The following KCNJ3 variants were observed in gnomAD, a reference collection of about 807,000 sequenced individuals.
KCNJ3 encodes the protein G protein-activated inward rectifier potassium channel 1.
A neutral mutation model predicts 39.2 loss-of-function variants in KCNJ3; 4 were observed. The observed-to-expected ratio is 0.10, with a 90% confidence interval of 0.05 to 0.23. The LOEUF (loss-of-function observed/expected upper bound fraction) is 0.23, where lower values mean the gene tolerates loss of function less well. Among genes scored for constraint, KCNJ3 ranks in the 10% least tolerant of loss-of-function variants. The pLI, the probability that KCNJ3 is intolerant of heterozygous loss-of-function variation, is 1.00. For missense variants in KCNJ3, 276 were observed against 634.9 expected, an observed-to-expected ratio of 0.43 and a Z score of 6.08; for synonymous variants, 230 against 237.4, an observed-to-expected ratio of 0.97 and a Z score of 0.29.
At chr2:154,805,361 G>A (rs1023242880) in intron 2 of KCNJ3, among the ~76,000 whole-genome samples, 12 of 152,084 alleles carry the variant, frequency 7.9e-5, no homozygotes, top group African/African-American at 2.9e-4. Context: ...GTAGAAGAAC[G>A]CCGGGCTGAA....
intron 2 of KCNJ3, among the ~76,000 whole-genome samples, chr2:154,783,223 A>C (rs1388733228): frequency 1.3e-5 from 2 of 152,226 alleles, no homozygotes; most frequent in Non-Finnish European, 2.9e-5. Flanking sequence ...AAATATACAG[A>C]GGAGACACTG....
At chr2:154,798,481 CA>C (rs1488614453) in intron 2 of KCNJ3, among the ~76,000 whole-genome samples, 1 of 152,012 alleles carries the variant, frequency 6.6e-6, no homozygotes, top group Admixed American at 6.6e-5. Context: ...TTTCTTAAAA[CA>C]AAGTAGAATA....
intron 2 of KCNJ3, among the ~76,000 whole-genome samples, chr2:154,815,191 C>CT (rs199582010): frequency 3.3e-5 from 5 of 151,602 alleles, no homozygotes; most frequent in East Asian, 1.9e-4. Context: ...TTTTCTGTAT[C>CT]TTTTTTTTTC....
rs546038652 is a variant in KCNJ3, at chr2:154,727,591, CA to C, written c.919+17791del. 2.8e-3 allele frequency among the ~76,000 whole-genome samples: 256 copies of C among 91,350 alleles called. 4 individuals are homozygous for C. The highest frequency in any genetic ancestry group is 0.023 in the East Asian group (71 of 3,104). 59.9% of individuals were successfully genotyped at this position (91,350 alleles called of 152,430 possible). ...CTGGGAAGCAAGAGCGAAACTCCGT[CA>C]AAAAAAAAAAAAAAAAAAGAGAGAA... On this transcript the variant is annotated intron_variant, in intron 2 of 2. Coordinates refer to ENST00000295101, the MANE Select transcript of KCNJ3 (RefSeq NM_002239.4).
intron 2 of KCNJ3, among the ~76,000 whole-genome samples, chr2:154,744,503 T>A (rs1685704719): frequency 6.6e-6 from 1 of 151,842 alleles, no homozygotes; most frequent in Non-Finnish European, 1.5e-5. Flanking sequence ...TTCAATTTCT[T>A]TATGGCTATA....
At chr2:154,768,482 AG>A (rs1425141995) in intron 2 of KCNJ3, among the ~76,000 whole-genome samples, 1 of 152,190 alleles carries the variant, frequency 6.6e-6, no homozygotes, top group African/African-American at 2.4e-5. Context: ...GGTTTGTCAA[AG>A]ATCAGATGGT....
At chr2:154,843,449 T>C (rs866799081) in intron 2 of KCNJ3, among the ~76,000 whole-genome samples, 2 of 152,152 alleles carry the variant, frequency 1.3e-5, no homozygotes, top group Non-Finnish European at 2.9e-5. Flanking sequence ...ATCTTTGTGG[T>C]GTTCTCTGTA....
At position 154,785,512 on chromosome 2, in the gene KCNJ3, C is replaced by T. The variant is rs186767407; in HGVS notation, c.920-69215C>T. The stretch of plus-strand genomic sequence containing the variant: ...CTAGGTCATAAGGGATCCACTCTCA[C>T]GGGTGAATTAATGCTGTTATGGAGA... On this transcript the variant is annotated intron_variant, in intron 2 of 2. Coordinates refer to ENST00000295101, the MANE Select transcript of KCNJ3 (RefSeq NM_002239.4). Among the ~76,000 whole-genome samples the T allele has an allele frequency of 2.0e-3, 302 of 152,214 alleles. 2 individuals carry two copies. The highest frequency in any genetic ancestry group is 4.8e-3 in the East Asian group (25 of 5,172).
intron 2 of KCNJ3, among the ~76,000 whole-genome samples, chr2:154,757,890 G>A (rs1032209014): frequency 1.1e-4 from 17 of 152,068 alleles, no homozygotes; most frequent in Non-Finnish European, 2.2e-4. Context: ...AGCCCTCATG[G>A]CTTAATCACT....
intron 2 of KCNJ3, among the ~76,000 whole-genome samples, chr2:154,832,146 A>T (rs1422469610): frequency 1.3e-5 from 2 of 152,022 alleles, no homozygotes; most frequent in African/African-American, 4.8e-5. Context: ...ATCTGCCCCC[A>T]TGCATCTAGA....
intron 2 of KCNJ3, among the ~76,000 whole-genome samples, chr2:154,730,168 C>T (rs1421177822): frequency 6.6e-6 from 1 of 152,000 alleles, no homozygotes; most frequent in African/African-American, 2.4e-5. Flanking sequence ...GAGACTTTGC[C>T]ATTTTATTCA....
intron 2 of KCNJ3, among the ~76,000 whole-genome samples, chr2:154,849,811 T>C (rs567926327): frequency 6.6e-6 from 1 of 152,276 alleles, no homozygotes; most frequent in African/African-American, 2.4e-5. Flanking sequence ...TGAATGAATG[T>C]TTAATTCAGT....
rs564077470 is a variant in KCNJ3, at chr2:154,772,935, A to G, written c.919+63116A>G. ...TTTTATTAACTCAATTTTGTTTTAA[A>G]GTAGTATTTCCAAGTTTAAATATAT... On this transcript the variant is annotated intron_variant, in intron 2 of 2. Transcript: ENST00000295101. Among the ~76,000 whole-genome samples, 28 of 152,222 alleles carry G rather than the reference A, an allele frequency of 1.8e-4. No individual in the cohort carries two copies. The South Asian group carries it at 3.7e-3, about 20-fold the overall frequency.
intron 2 of KCNJ3, among the ~76,000 whole-genome samples, chr2:154,834,697 C>T (rs1687419707): frequency 6.6e-6 from 1 of 151,286 alleles, no homozygotes; most frequent in South Asian, 2.1e-4. Context: ...ACTGCACTCC[C>T]GCCTGGGTGA....
At chr2:154,726,545 A>AGT (rs1197881304) in intron 2 of KCNJ3, among the ~76,000 whole-genome samples, 1 of 152,152 alleles carries the variant, frequency 6.6e-6, no homozygotes, top group Admixed American at 6.6e-5. Context: ...TATGGAAAAC[A>AGT]GTATGGAGCT....
At chr2:154,768,208 AT>A (rs1686169964) in intron 2 of KCNJ3, among the ~76,000 whole-genome samples, 1 of 151,960 alleles carries the variant, frequency 6.6e-6, no homozygotes, top group Non-Finnish European at 1.5e-5. Context: ...CCATTTGTCA[AT>A]TTTGTCTTTT....
intron 2 of KCNJ3, among the ~76,000 whole-genome samples, chr2:154,728,652 A>G (rs961087233): frequency 1.3e-5 from 2 of 152,154 alleles, no homozygotes; most frequent in African/African-American, 2.4e-5. Context: ...AAACTTGCCA[A>G]TTTAAAAATA....
intron 2 of KCNJ3, among the ~76,000 whole-genome samples, chr2:154,719,639 T>C (rs1268793921): frequency 6.6e-6 from 1 of 152,140 alleles, no homozygotes; most frequent in Non-Finnish European, 1.5e-5. Context: ...CCATGTGCTA[T>C]TATTTACTGT....
At position 154,855,474 on chromosome 2, in the gene KCNJ3, A is replaced by AAGC. The variant is rs1470370243; in HGVS notation, c.*163_*165dup. 3.4e-6 allele frequency: 2 copies of AAGC among 593,606 alleles called. No homozygotes were observed. The highest frequency in any genetic ancestry group is 5.9e-6 in the Non-Finnish European group (2 of 337,484). The allele number at this position is 593,606 out of a possible 1,614,324, so 36.8% of individuals were successfully genotyped here. ...TTCCCAAGTATTGCGAATGTGCAGA[A>AAGC]AGCAACAGTTACGGAGGGAGGACAT... On this transcript the variant is annotated 3_prime_UTR_variant, in exon 3 of 3. Coordinates refer to ENST00000295101, the MANE Select transcript of KCNJ3 (RefSeq NM_002239.4).
Sources: gnomAD v4.1 joint callset for allele counts (sites outside exome capture counted in the v4.1 genomes callset) on GRCh38, gnomAD v4.1.1 for gene constraint, MANE v1.5 for transcripts, NCBI Gene and HGNC (gene_info 2026-07-23, HGNC 2026-07-21) for gene names.